Variants in FNIP2 observed in about 807,000 individuals in gnomAD.
The protein encoded by FNIP2 is folliculin interacting protein 2.
A neutral mutation model predicts 108.7 loss-of-function variants in FNIP2; 32 were observed. The ratio of observed to expected loss-of-function variants is 0.29; its 90% CI spans 0.22 to 0.40. The LOEUF is 0.40. FNIP2 is among the 10% of genes least tolerant of loss of function. The pLI is 1.00. For synonymous variants in FNIP2, 480 were observed against 496.7 expected (o/e 0.97, Z 0.45); for missense variants, 1,202 against 1,381.6 (o/e 0.87, Z 2.06).
chr4:158,892,411 C>A (rs541631748), intron 15 of FNIP2, among the ~76,000 whole-genome samples: 24 of 152,162 alleles, frequency 1.6e-4, no homozygotes, highest in South Asian at 4.2e-4. Flanking sequence ...AAATCACTTT[C>A]GTAACAATAC....
In FNIP2 at chr4:158,891,601, T is replaced by A; in HGVS notation, c.3105T>A (p.Leu1035=). Residue 1035 remains leucine (L), a synonymous_variant, in exon 15 of 17, where the codon CTT becomes CTA. Coordinates refer to ENST00000264433, the MANE Select transcript of FNIP2 (RefSeq NM_020840.3). ...VLVSSQVSSL[L]QSILQLYKLH... ...TCTCTAGTCAGGTGTCCAGTTTGCT[T>A]CAGTCCATTTTACAGCTCTATAAGC... The A allele has an allele frequency of 1.9e-6, 3 of 1,613,040 alleles. No homozygotes were observed. The highest frequency in any genetic ancestry group is 2.5e-6 in the Non-Finnish European group (3 of 1,179,550).
chr4:158,826,620 G>A (rs1464363456), intron 2 of FNIP2, among the ~76,000 whole-genome samples: 3 of 143,496 alleles, frequency 2.1e-5, no homozygotes, highest in South Asian at 2.2e-4. Flanking sequence ...GGTGGTAGTG[G>A]TGGTGGTGGT....
chr4:158,860,965 TC>T (rs1695946560), intron 10 of FNIP2, among the ~76,000 whole-genome samples: 1 of 152,146 alleles, frequency 6.6e-6, no homozygotes. Flanking sequence ...AGAATCTGGG[TC>T]CTACTTTAAT....
intron 8 of FNIP2, among the ~76,000 whole-genome samples, chr4:158,855,859 A>G (rs1434845555): frequency 6.6e-6 from 1 of 152,346 alleles, no homozygotes; most frequent in East Asian, 1.9e-4. Flanking sequence ...ACCAAACACT[A>G]TGATTGCTTC....
chr4:158,893,644 T>TA, intron 15 of FNIP2: 1 of 1,463,662 alleles, frequency 6.8e-7, no homozygotes, highest in Non-Finnish European at 9.4e-7. Flanking sequence ...TATTTTTTGT[T>TA]ATACAGTAGT....
At chr4:158,800,579 T>C (rs1042879848) in intron 1 of FNIP2, among the ~76,000 whole-genome samples, 1 of 152,172 alleles carries the variant, frequency 6.6e-6, no homozygotes, top group Admixed American at 6.5e-5. Context: ...TTAAAAATAG[T>C]TTTTCCCATT....
chr4:158,785,154 C>T (rs1346190326), intron 1 of FNIP2, among the ~76,000 whole-genome samples: 2 of 144,824 alleles, frequency 1.4e-5, no homozygotes, highest in African/African-American at 2.6e-5. Context: ...GGCACGATCT[C>T]AGTTCATTGC....
At chr4:158,890,197 C>T (rs1375515917) in intron 14 of FNIP2, 1 of 985,324 alleles carries the variant, frequency 1.0e-6, no homozygotes, top group Non-Finnish European at 1.2e-6. Flanking sequence ...GAACATCAGA[C>T]TTTGCCTGAT....
chr4:158,886,307 C>G (rs1318831243), intron 14 of FNIP2, among the ~76,000 whole-genome samples: 3 of 152,238 alleles, frequency 2.0e-5, no homozygotes, highest in Non-Finnish European at 4.4e-5. Context: ...CCTCTACCTC[C>G]TTTCTTTCTG....
At chr4:158,836,490 G>A (rs1778806971) in intron 7 of FNIP2, 1 of 151,908 alleles carries the variant, frequency 6.6e-6, no homozygotes, top group African/African-American at 2.4e-5. Context: ...GTTGAGCTGG[G>A]AACCTTTGGT....
At chr4:158,840,848 CT>C (rs1180511185) in intron 7 of FNIP2, among the ~76,000 whole-genome samples, 6 of 152,218 alleles carry the variant, frequency 3.9e-5, no homozygotes, top group African/African-American at 1.4e-4. Flanking sequence ...AAGAAAAATA[CT>C]TTTTCCATTC....
chr4:158,890,465 G>A (rs559269008), intron 14 of FNIP2: 4 of 545,842 alleles, frequency 7.3e-6, no homozygotes, highest in Middle Eastern at 9.3e-4. Context: ...CAGAGTCCAA[G>A]ACTAGGGAGT....
At chr4:158,890,808 G>T (rs548168094) in intron 14 of FNIP2, among the ~76,000 whole-genome samples, 2 of 152,318 alleles carry the variant, frequency 1.3e-5, no homozygotes, top group East Asian at 3.9e-4. Flanking sequence ...ACTAATTGCT[G>T]TCTGGGCAGG....
At chr4:158,842,841 G>A (rs892660091) in intron 7 of FNIP2, among the ~76,000 whole-genome samples, 1 of 151,952 alleles carries the variant, frequency 6.6e-6, no homozygotes, top group Admixed American at 6.6e-5. Context: ...GTACCTGTTT[G>A]GCTTTTGAGG....
chr4:158,814,515 T>C (rs768045667), intron 1 of FNIP2, among the ~76,000 whole-genome samples: 5 of 152,184 alleles, frequency 3.3e-5, no homozygotes, highest in Non-Finnish European at 7.3e-5. Flanking sequence ...CACCAGACCT[T>C]CTGGAATTGG....
intron 1 of FNIP2, among the ~76,000 whole-genome samples, chr4:158,808,222 G>A (rs1252413423): frequency 6.6e-6 from 1 of 152,200 alleles, no homozygotes; most frequent in Non-Finnish European, 1.5e-5. Flanking sequence ...TAGATCCCCA[G>A]ATAGTTATTT....
intron 8 of FNIP2, among the ~76,000 whole-genome samples, chr4:158,856,984 A>G (rs1443917389): frequency 6.6e-6 from 1 of 152,242 alleles, no homozygotes; most frequent in African/African-American, 2.4e-5. Context: ...TTTAGAATTC[A>G]GTGGAGGGTT....
At chr4:158,899,057 TGTTGA>T (rs760568237) in intron 16 of FNIP2, among the ~76,000 whole-genome samples, 1 of 152,172 alleles carries the variant, frequency 6.6e-6, no homozygotes, top group Non-Finnish European at 1.5e-5. Context: ...CTTGAAGTGG[TGTTGA>T]GTTTTGTCGA....
At chr4:158,863,697 G>A in intron 12 of FNIP2, among the ~76,000 whole-genome samples, 1 of 152,188 alleles carries the variant, frequency 6.6e-6, no homozygotes, top group East Asian at 1.9e-4. Context: ...TGTATATTTT[G>A]TAAAATGTCT....
Sources: allele counts gnomAD v4.1 joint callset (sites outside exome capture counted in the v4.1 genomes callset), GRCh38; gene constraint gnomAD v4.1.1; transcripts MANE v1.5; gene names NCBI Gene and HGNC (gene_info 2026-07-23, HGNC 2026-07-21).